The following RGS22 variants were observed in gnomAD, a reference collection of about 807,000 sequenced individuals.
RGS22 encodes the protein regulator of G protein signaling 22.
In RGS22, 148 loss-of-function variants were observed where a neutral mutation model predicts 172.9. The observed-to-expected ratio is 0.86, with a 90% CI of 0.75 to 0.98. RGS22 has a LOEUF of 0.98. RGS22 is among the 50% of genes least tolerant of loss of function. The pLI is 0.00. For synonymous variants in RGS22, 458 were observed against 480.2 expected, an observed-to-expected ratio of 0.95 and a Z score of 0.60; for missense variants, 1,347 against 1,440.8, an observed-to-expected ratio of 0.93 and a Z score of 1.05.
chr8:100,066,823 C>T lies in RGS22; in HGVS notation c.595-527G>A, dbSNP rs548852731. On this transcript the variant is annotated intron_variant, in intron 6 of 27. Transcript: ENST00000360863. The stretch of plus-strand genomic sequence containing the variant: ...CCCTTTGCATTAGATTCAGTTTTCA[C>T]AAGTTTGCTTAGATTGAATGCTTCT... Among the ~76,000 whole-genome samples the T allele has an allele frequency of 2.2e-4, 34 of 152,304 alleles. No individual in the cohort carries two copies. In the South Asian group the frequency reaches 7.1e-3, roughly 32 times the overall value.
At chr8:100,103,419 A>G (rs564282385) in intron 2 of RGS22, among the ~76,000 whole-genome samples, 1 of 152,308 alleles carries the variant, frequency 6.6e-6, no homozygotes, top group South Asian at 2.1e-4. Context: ...AAAAGGGAAG[A>G]AAGTCTTTGA....
intron 10 of RGS22, among the ~76,000 whole-genome samples, chr8:100,048,783 C>A (rs908597197): frequency 1.3e-5 from 2 of 151,836 alleles, no homozygotes; most frequent in Non-Finnish European, 2.9e-5. Flanking sequence ...ACAAAAGTAG[C>A]CAAATTTATA....
At chr8:100,046,689 A>G (rs111474568) in intron 11 of RGS22, among the ~76,000 whole-genome samples, 98 of 151,134 alleles carry the variant, frequency 6.5e-4, no homozygotes, top group African/African-American at 2.2e-3. Flanking sequence ...CAATGTAGTC[A>G]AGAATAACTC....
intron 14 of RGS22, among the ~76,000 whole-genome samples, chr8:100,027,343 G>A (rs1408600011): frequency 6.6e-6 from 1 of 152,150 alleles, no homozygotes; most frequent in Non-Finnish European, 1.5e-5. Flanking sequence ...CAAGAACTTT[G>A]TCCTAATCAT....
intron 12 of RGS22, among the ~76,000 whole-genome samples, chr8:100,040,820 T>A (rs1820017927): frequency 1.3e-5 from 2 of 152,180 alleles, no homozygotes; most frequent in South Asian, 4.1e-4. Context: ...ATAAAAAATT[T>A]AGGGTTTAAG....
intron 22 of RGS22, among the ~76,000 whole-genome samples, chr8:99,981,457 A>T (rs1812539886): frequency 6.6e-6 from 1 of 152,176 alleles, no homozygotes; most frequent in Admixed American, 6.5e-5. Flanking sequence ...AGAAAGGAGG[A>T]ATTAGCTGGA....
chr8:100,073,099 A>G (rs1811104110), intron 4 of RGS22, among the ~76,000 whole-genome samples: 1 of 152,210 alleles, frequency 6.6e-6, no homozygotes, highest in African/African-American at 2.4e-5. Flanking sequence ...CACTTTTTCT[A>G]GAATTCTAAA....
rs1810960753 is a variant in RGS22 at position 100,071,374 on chromosome 8, C to A, written c.589G>T (p.Gly197Cys). The A allele has an allele frequency of 6.2e-7, 1 of 1,603,926 alleles. No homozygotes were observed. The highest frequency in any genetic ancestry group is 1.7e-4 in the Middle Eastern group (1 of 6,022). The change falls in exon 6 of 28, where the codon GGT becomes TGT. Residue 197 changes from glycine to cysteine, a missense_variant. Gly to Cys is a radical substitution (Grantham distance 159). Transcript: ENST00000360863. The stretch of plus-strand genomic sequence containing the variant: ...AAAAATGCTCATACTTTTACCTCAC[C>A]AAGTGATACATAGAACTTTTTCATA... Reference protein sequence around the residue: ...VIMKKFYVSLGEASYTQTKDW... With the variant: ...VIMKKFYVSLCEASYTQTKDW...
At chr8:100,030,413 C>T (rs1215277134) in intron 14 of RGS22, among the ~76,000 whole-genome samples, 5 of 152,128 alleles carry the variant, frequency 3.3e-5, no homozygotes, top group Admixed American at 2.6e-4. Flanking sequence ...GTAAAACAGG[C>T]TCAGGCAGGT....
chr8:100,028,174 C>T (rs1219651665), intron 14 of RGS22, among the ~76,000 whole-genome samples: 1 of 152,014 alleles, frequency 6.6e-6, no homozygotes, highest in East Asian at 1.9e-4. Context: ...CATGACAGTC[C>T]CATTGTCAGC....
chr8:100,083,730 C>T (rs529608896), intron 3 of RGS22, among the ~76,000 whole-genome samples: 1 of 152,018 alleles, frequency 6.6e-6, no homozygotes, highest in South Asian at 2.1e-4. Context: ...ATGAACTCTT[C>T]ATGGCTTTAC....
At chr8:99,987,254 C>T (rs1306707555) in intron 21 of RGS22, among the ~76,000 whole-genome samples, 8 of 152,124 alleles carry the variant, frequency 5.3e-5, no homozygotes, top group Admixed American at 2.6e-4. Flanking sequence ...CATTCCAGGG[C>T]TCACTCTTAC....
intron 14 of RGS22, among the ~76,000 whole-genome samples, chr8:100,036,122 G>GA (rs999837960): frequency 6.9e-6 from 1 of 144,618 alleles, no homozygotes. Flanking sequence ...TTTTAAAAAA[G>GA]AAAAAAAATT....
intron 20 of RGS22, among the ~76,000 whole-genome samples, chr8:99,996,220 G>A (rs1030015064): frequency 1.4e-4 from 22 of 152,134 alleles, no homozygotes; most frequent in East Asian, 7.7e-4. Flanking sequence ...TGTATCAAAC[G>A]TACACGTTGT....
intron 14 of RGS22, among the ~76,000 whole-genome samples, chr8:100,031,269 CT>C (rs1563640336): frequency 6.6e-6 from 1 of 152,092 alleles, no homozygotes; most frequent in African/African-American, 2.4e-5. Flanking sequence ...ATGCCACATT[CT>C]GTGATTTTTT....
chr8:100,021,951 G>A (rs935041161), intron 14 of RGS22, among the ~76,000 whole-genome samples: 6 of 152,004 alleles, frequency 3.9e-5, no homozygotes, highest in South Asian at 2.1e-4. Context: ...GTTCATATGC[G>A]GCAGAAAAAG....
In RGS22 at chr8:100,105,954, CG is replaced by C; in HGVS notation, c.-34del. On this transcript the variant is annotated 5_prime_UTR_variant, in exon 1 of 28. Transcript: ENST00000360863. ...CCGCTGCCCGCGCCTGGAGCCCGCG[CG>C]GGCCGTCAGGGCCCTAGCGCGCGGG... The C allele has an allele frequency of 6.9e-7, 1 of 1,446,018 alleles. No individual in the cohort carries two copies. The allele number at this position is 1,446,018 out of a possible 1,614,324, so 89.6% of individuals were successfully genotyped here.
At chr8:100,013,938 CA>C (rs201365320) in intron 14 of RGS22, among the ~76,000 whole-genome samples, 1 of 151,916 alleles carries the variant, frequency 6.6e-6, no homozygotes, top group Non-Finnish European at 1.5e-5. Flanking sequence ...TTATAGACTT[CA>C]AAAAAAACTT....
At chr8:100,001,223 T>TAC (rs1554611191) in intron 18 of RGS22, among the ~76,000 whole-genome samples, 9 of 130,748 alleles carry the variant, frequency 6.9e-5, no homozygotes, top group African/African-American at 2.4e-4. Flanking sequence ...TATATATACA[T>TAC]ATATATATAT....
Sources: allele counts gnomAD v4.1 joint callset (sites outside exome capture counted in the v4.1 genomes callset), GRCh38; gene constraint gnomAD v4.1.1; transcripts MANE v1.5; gene names NCBI Gene and HGNC (gene_info 2026-07-23, HGNC 2026-07-21).